N4BP3: variants seen among roughly 807,000 people sequenced by gnomAD.
N4BP3 encodes the protein NEDD4-binding protein 3.
N4BP3 carries 33 observed loss-of-function variants against 43.8 expected under a neutral mutation model. That is an observed-to-expected ratio of 0.75 (90% CI 0.57 to 1.01). The LOEUF (loss-of-function observed/expected upper bound fraction) is 1.01. N4BP3 is among the 50% of genes least tolerant of loss of function. The pLI, the probability that N4BP3 is intolerant of heterozygous loss-of-function variation, is 0.00. For synonymous variants in N4BP3, 326 were observed against 321.9 expected, an observed-to-expected ratio of 1.01 and a Z score of -0.14; for missense variants, 756 against 744.2, an observed-to-expected ratio of 1.02 and a Z score of -0.18.
chr5:178,120,013 C>G (rs1051881879), intron 2 of N4BP3, 100 bp downstream of exon 2: 22 of 1,473,872 alleles, frequency 1.5e-5, no homozygotes, highest in Non-Finnish European at 1.9e-5. Flanking sequence ...TGCTGAGATA[C>G]GAAAATCGTG....
chr5:178,120,556 G>A lies in N4BP3; in HGVS notation c.709G>A (p.Val237Met). The A allele has an allele frequency of 1.2e-6, 2 of 1,613,058 alleles. No homozygotes were observed. The highest frequency in any genetic ancestry group is 1.7e-6 in the Non-Finnish European group (2 of 1,180,026). The change falls in exon 3 of 5, where the codon GTG becomes ATG. Residue 237 changes from valine to methionine, a missense_variant. Coordinates refer to ENST00000274605, the MANE Select transcript of N4BP3 (RefSeq NM_015111.2). ...QGPKEAGPPA[V>M]LSCLPEPPPP... is the part of the protein sequence containing the mutation. ...ACCCAAGGAGGCTGGGCCACCAGCT[G>A]TGCTGAGCTGCCTGCCCGAGCCACC...
At chr5:178,126,674 T>C (rs1433498821), downstream of N4BP3, among the ~76,000 whole-genome samples, 3 of 152,164 alleles carry the variant, frequency 2.0e-5, no homozygotes, top group African/African-American at 4.8e-5. Context: ...GATGTTCTCT[T>C]TTGTTTCTAA....
rs376280716 is a variant in N4BP3 at position 178,120,531 on chromosome 5, A to T, written c.684A>T (p.Gly228=). 8.7e-6 allele frequency: 14 copies of T among 1,612,776 alleles called. No individual in the cohort carries two copies. The African/African-American group carries it at 1.6e-4, about 18-fold the overall frequency. ...GCTCCCTGGACCGGGCCTCTCAAGGACCCAAGGAGGCTGGGCCACCAGCTG... is the reference window on the plus strand; with the variant it reads ...GCTCCCTGGACCGGGCCTCTCAAGGTCCCAAGGAGGCTGGGCCACCAGCTG... The part of the protein sequence containing the change: ...LGGSLDRASQ[G]PKEAGPPAVL... Residue 228 remains glycine, a synonymous_variant, in exon 3 of 5, where the codon GGA becomes GGT. Transcript: ENST00000274605.
intron 1 of N4BP3, among the ~76,000 whole-genome samples, chr5:178,119,209 G>A (rs371004740): frequency 3.5e-4 from 54 of 152,218 alleles, no homozygotes; most frequent in African/African-American, 1.2e-3. Context: ...CTGGGAGGAC[G>A]GCTCCTGTCC....
downstream of N4BP3, among the ~76,000 whole-genome samples, chr5:178,126,252 C>T (rs1465305758): frequency 6.9e-6 from 1 of 144,506 alleles, no homozygotes; most frequent in African/African-American, 2.6e-5. Context: ...GACCTCAGCT[C>T]ACTGCAACCT....
intron 1 of N4BP3, among the ~76,000 whole-genome samples, chr5:178,114,105 G>T (rs1466672715): frequency 6.6e-6 from 1 of 152,136 alleles, no homozygotes; most frequent in Non-Finnish European, 1.5e-5. Flanking sequence ...GGTGGGGCAG[G>T]CGTCCTTGGC....
chr5:178,115,681 G>T (rs761625909), intron 1 of N4BP3, among the ~76,000 whole-genome samples: 6 of 152,230 alleles, frequency 3.9e-5, no homozygotes, highest in Non-Finnish European at 8.8e-5. Flanking sequence ...CTCATCTCCT[G>T]TGTGTCTTGT....
Position 178,119,763 on chromosome 5 carries a change from C to A in N4BP3, c.180C>A (p.His60Gln). 2 of 1,613,646 alleles carry A rather than the reference C, an allele frequency of 1.2e-6. No homozygotes were observed. Among genetic ancestry groups the A allele is most frequent in the South Asian group, 1.1e-5 (1 of 91,086 alleles). The change falls in exon 2 of 5, where the codon CAC (histidine) becomes CAA (glutamine). Residue 60 changes from histidine (H) to glutamine (Q), a missense_variant. Coordinates refer to ENST00000274605, the MANE Select transcript of N4BP3 (RefSeq NM_015111.2). ...LGQREFLSYL[H>Q]LPKKDSKSTK... ...AGCGTGAGTTCCTCAGCTACCTGCA[C>A]CTCCCCAAGAAGGACAGCAAGAGCA... is the stretch of plus-strand genomic sequence containing the variant.
intron 1 of N4BP3, among the ~76,000 whole-genome samples, chr5:178,116,852 C>G (rs1267542337): frequency 6.6e-6 from 1 of 152,208 alleles, no homozygotes; most frequent in East Asian, 1.9e-4. Flanking sequence ...GCACTGCTGC[C>G]AACGTCCCCG....
Position 178,121,679 on chromosome 5 carries a change from C to A in N4BP3, c.1313C>A (p.Ala438Asp), listed in dbSNP as rs770019445. The A allele has an allele frequency of 1.9e-6, 3 of 1,611,196 alleles. No individual in the cohort carries two copies. Among genetic ancestry groups the A allele is most frequent in the South Asian group, 2.2e-5 (2 of 91,062 alleles). ...CAGGAGCAGGCCCCTCGGGAGGAAGCCCCAGGCAGCTGTGAGACTGATGAC... is the reference window on the plus strand; with the variant it reads ...CAGGAGCAGGCCCCTCGGGAGGAAGACCCAGGCAGCTGTGAGACTGATGAC... ...SLQEQAPREEAPGSCETDDCK... is the reference protein window; with the variant it reads ...SLQEQAPREEDPGSCETDDCK... The change falls in exon 5 of 5, where the codon GCC (alanine) becomes GAC (aspartate). Residue 438 changes from alanine to aspartate, a missense_variant. Physicochemically the swap from Ala to Asp is moderately radical, Grantham distance 126. Transcript: ENST00000274605.
rs760961565 is a variant in N4BP3, at chr5:178,120,210, G to A, written c.363G>A (p.Thr121=). The part of the protein sequence containing the change: ...CRIRPSVFKP[T]AGNGKGFLSM... Reference sequence around the variant, plus strand: ...TTCGCCCCTCAGTGTTCAAGCCTACGGCGGGCAACGGGAAAGGCTTCCTAT... The same window carrying A: ...TTCGCCCCTCAGTGTTCAAGCCTACAGCGGGCAACGGGAAAGGCTTCCTAT... The change falls in exon 3 of 5, where the codon ACG becomes ACA. Residue 121 remains threonine (T), a synonymous_variant. Coordinates refer to ENST00000274605, the MANE Select transcript of N4BP3 (RefSeq NM_015111.2). 1.9e-5 allele frequency: 30 copies of A among 1,589,796 alleles called. No individual in the cohort carries two copies. In the Middle Eastern group the frequency reaches 5.0e-4, roughly 27 times the overall value.
chr5:178,117,813 G>A (rs1410259452), intron 1 of N4BP3, among the ~76,000 whole-genome samples: 1 of 152,004 alleles, frequency 6.6e-6, no homozygotes, highest in African/African-American at 2.4e-5. Context: ...GCCCCATCCT[G>A]GGTTTGGGGG....
chr5:178,120,172 T>C lies in N4BP3; in HGVS notation c.331-6T>C, dbSNP rs1003852201. 5 of 1,556,964 alleles carry C rather than the reference T, an allele frequency of 3.2e-6. No homozygotes were observed. Among genetic ancestry groups the C allele is most frequent in the Non-Finnish European group, 4.4e-6 (5 of 1,148,524 alleles). On this transcript the variant is annotated splice_region_variant and splice_polypyrimidine_tract_variant and intron_variant, in intron 2 of 4. Transcript: ENST00000274605. ...ACCTGCCCTCTCTGCCCTCTCTTCCTGGCAGTGCCGCATTCGCCCCTCAGT... is the reference window on the plus strand; with the variant it reads ...ACCTGCCCTCTCTGCCCTCTCTTCCCGGCAGTGCCGCATTCGCCCCTCAGT...
At chr5:178,117,819 G>A (rs1465039375) in intron 1 of N4BP3, among the ~76,000 whole-genome samples, 1 of 152,006 alleles carries the variant, frequency 6.6e-6, no homozygotes, top group East Asian at 1.9e-4. Context: ...TCCTGGGTTT[G>A]GGGGTTGGTT....
Position 178,118,508 on chromosome 5 carries a change from AAG to A in N4BP3, c.-30-1043_-30-1042del, listed in dbSNP as rs1362967333. On this transcript the variant is annotated intron_variant, in intron 1 of 4. Coordinates refer to ENST00000274605, the MANE Select transcript of N4BP3 (RefSeq NM_015111.2). The surrounding 1 kb of genome is among the most constrained non-coding windows in gnomAD (Gnocchi z 5.4). ...CCTGCCGGGTGGTGGGCTTTGGAAT[AAG>A]AGCATATACAGGGGCTGGAGTGAGT... is the stretch of plus-strand genomic sequence containing the variant. Among the ~76,000 whole-genome samples the A allele has an allele frequency of 1.3e-5, 2 of 152,182 alleles. No individual in the cohort carries two copies. Among genetic ancestry groups the A allele is most frequent in the Non-Finnish European group, 2.9e-5 (2 of 68,030 alleles).
At chr5:178,114,350 C>T (rs1757721744) in intron 1 of N4BP3, among the ~76,000 whole-genome samples, 1 of 152,238 alleles carries the variant, frequency 6.6e-6, no homozygotes, top group South Asian at 2.1e-4. Context: ...CCCACACCTC[C>T]TTTATCCCCC....
rs778921420 is a variant in N4BP3 at position 178,122,053 on chromosome 5, C to G, written c.*52C>G. 6.6e-7 allele frequency: 1 copy of G among 1,514,428 alleles called. No individual in the cohort carries two copies. The highest frequency in any genetic ancestry group is 2.3e-5 in the East Asian group (1 of 43,286). The allele number at this position is 1,514,428 out of a possible 1,614,324, so 93.8% of individuals were successfully genotyped here. A position where few individuals can be genotyped will look rare whatever the true frequency, so the allele number is the denominator to read the frequency against. On this transcript the variant is annotated 3_prime_UTR_variant, in exon 5 of 5. Coordinates refer to ENST00000274605, the MANE Select transcript of N4BP3 (RefSeq NM_015111.2). ...AACACTGTCAGAAGGTGCCCTGAGA[C>G]GGCCGGCTCAGCCTTCCCTTGCACT...
In N4BP3 at chr5:178,122,209, A is replaced by G; in HGVS notation, c.*208A>G. The stretch of plus-strand genomic sequence containing the variant: ...GACAAGGCCCTCCTGGCAGAGGAGC[A>G]CCTAGGCAGGGCCCAGCCCTGCTTC... On this transcript the variant is annotated 3_prime_UTR_variant, in exon 5 of 5. Coordinates refer to ENST00000274605, the MANE Select transcript of N4BP3 (RefSeq NM_015111.2). The G allele has an allele frequency of 1.7e-6, 1 of 593,114 alleles. No homozygotes were observed. The highest frequency in any genetic ancestry group is 2.9e-6 in the Non-Finnish European group (1 of 347,914). 36.7% of individuals were successfully genotyped at this position (593,114 alleles called of 1,614,324 possible). A position where few individuals can be genotyped will look rare whatever the true frequency, so the allele number is the denominator to read the frequency against.
chr5:178,125,016 G>T lies in N4BP3; in HGVS notation c.*3015G>T, dbSNP rs1183492444. On this transcript the variant is annotated 3_prime_UTR_variant, in exon 5 of 5. Coordinates refer to ENST00000274605, the MANE Select transcript of N4BP3 (RefSeq NM_015111.2). ...CCAGAAGGCACTGGTGGGATGTGGA[G>T]TCAGGAGCAACCAGAGACCCCCCAA... The T allele has an allele frequency of 6.6e-6, 1 of 152,326 alleles. No individual in the cohort carries two copies. The highest frequency in any genetic ancestry group is 1.5e-5 in the Non-Finnish European group (1 of 68,102). 9.4% of individuals were successfully genotyped at this position (152,326 alleles called of 1,614,324 possible).
Sources: gnomAD v4.1 joint callset for allele counts (sites outside exome capture counted in the v4.1 genomes callset) on GRCh38, gnomAD v4.1.1 for gene constraint, Gnocchi (gnomAD v3.1) non-coding constraint, MANE v1.5 for transcripts, NCBI Gene and HGNC (gene_info 2026-07-23, HGNC 2026-07-21) for gene names.